TOR1AIP1: variants seen among roughly 807,000 people sequenced by gnomAD.
TOR1AIP1 encodes torsin 1A interacting protein 1, also known as torsin-1A-interacting protein 1.
In TOR1AIP1, 54 loss-of-function variants were observed where a neutral mutation model predicts 63.3. That is an observed-to-expected ratio of 0.85 (90% CI 0.69 to 1.07). The LOEUF is 1.07. Among genes scored for constraint, TOR1AIP1 ranks in the 50% least tolerant of loss-of-function variants. TOR1AIP1 has a pLI of 0.00. For synonymous variants in TOR1AIP1, 294 were observed against 273.5 expected (o/e 1.07, Z -0.74); for missense variants, 736 against 715.0 (o/e 1.03, Z -0.33).
chr1:179,916,700 CTTTTT>C (rs3029850), intron 9 of TOR1AIP1, among the ~76,000 whole-genome samples: 7 of 95,180 alleles, frequency 7.4e-5, no homozygotes, highest in Non-Finnish European at 1.2e-4. Flanking sequence ...GCATCCTTTT[CTTTTT>C]TTTTTTTTTT....
chr1:179,901,953 G>A (rs542138427), intron 5 of TOR1AIP1, among the ~76,000 whole-genome samples: 56 of 148,320 alleles, frequency 3.8e-4, no homozygotes, highest in Non-Finnish European at 7.0e-4. Flanking sequence ...TAAATAATGA[G>A]TAATTTTATA....
chr1:179,882,360 C>A lies in TOR1AIP1; in HGVS notation c.-143C>A. On this transcript the variant is annotated 5_prime_UTR_variant, in exon 1 of 10. Transcript: ENST00000606911. ...TGCTACACAGCAGCGACGACGCAGG[C>A]GGCGGCCCCAGCGACTCGCAACTGC... The A allele has an allele frequency of 1.3e-6, 1 of 785,430 alleles. No homozygotes were observed. Among genetic ancestry groups the A allele is most frequent in the East Asian group, 3.1e-5 (1 of 31,886 alleles). The allele number at this position is 785,430 out of a possible 1,614,324, so 48.7% of individuals were successfully genotyped here. A position where few individuals can be genotyped will look rare whatever the true frequency, so the allele number is the denominator to read the frequency against.
rs1427794853 is a variant in TOR1AIP1 at position 179,919,768 on chromosome 1, C to T, written c.*1529C>T. On this transcript the variant is annotated 3_prime_UTR_variant, in exon 10 of 10. Transcript: ENST00000606911. ...CACAAGTGGTAGTAGAGTGGTTTAA[C>T]GTCTTTCCTCTAGTACTACCAGTAT... The T allele has an allele frequency of 2.0e-5, 3 of 152,152 alleles. No homozygotes were observed. Among genetic ancestry groups the T allele is most frequent in the Non-Finnish European group, 2.9e-5 (2 of 68,028 alleles). 9.4% of individuals were successfully genotyped at this position (152,152 alleles called of 1,614,324 possible).
At chr1:179,908,766 G>A in intron 8 of TOR1AIP1, 93 bp downstream of exon 8, 2 of 1,102,262 alleles carry the variant, frequency 1.8e-6, no homozygotes, top group Non-Finnish European at 2.6e-6. Flanking sequence ...AAACATTTAG[G>A]TTGTTTGTGA....
chr1:179,891,653 C>T (rs1444559239), intron 3 of TOR1AIP1, among the ~76,000 whole-genome samples: 3 of 152,098 alleles, frequency 2.0e-5, no homozygotes, highest in Admixed American at 2.0e-4. Context: ...GCAACTTCTG[C>T]CTCCCTGGTT....
At chr1:179,883,603 T>G (rs565196257) in intron 1 of TOR1AIP1, 1 of 456,322 alleles carries the variant, frequency 2.2e-6, no homozygotes, top group African/African-American at 2.0e-5. Context: ...AGCTGATTGC[T>G]GTTTCTCCAG....
chr1:179,884,068 G>A (rs576467735), intron 1 of TOR1AIP1: 1 of 163,034 alleles, frequency 6.1e-6, no homozygotes, highest in South Asian at 1.5e-4. Flanking sequence ...GAAACTTTAT[G>A]TTAAAGTTAT....
chr1:179,895,162 TTTAA>T (rs1314255587), intron 3 of TOR1AIP1, among the ~76,000 whole-genome samples: 2 of 152,220 alleles, frequency 1.3e-5, no homozygotes, highest in East Asian at 3.8e-4. Flanking sequence ...AAACAGCATG[TTTAA>T]TTATTACCAT....
chr1:179,901,117 G>A (rs931153780), intron 4 of TOR1AIP1, among the ~76,000 whole-genome samples, 185 bp from the exon 5 acceptor site: 3 of 152,212 alleles, frequency 2.0e-5, no homozygotes, highest in Admixed American at 6.5e-5. Flanking sequence ...CACAAATTGA[G>A]ATAAATTTTA....
intron 3 of TOR1AIP1, among the ~76,000 whole-genome samples, chr1:179,892,737 C>CAA (rs71118413): frequency 2.7e-5 from 3 of 110,940 alleles, no homozygotes; most frequent in African/African-American, 6.6e-5. Flanking sequence ...GACTCCGTCT[C>CAA]AAAAAAAAAA....
At chr1:179,910,543 G>A (rs1334393874) in intron 8 of TOR1AIP1, among the ~76,000 whole-genome samples, 1 of 152,150 alleles carries the variant, frequency 6.6e-6, no homozygotes, top group Non-Finnish European at 1.5e-5. Flanking sequence ...TCTTATTGCT[G>A]TGATTATGTG....
At chr1:179,907,898 A>G in intron 7 of TOR1AIP1, 34 bp downstream of exon 7, 1 of 1,280,800 alleles carries the variant, frequency 7.8e-7, no homozygotes, top group South Asian at 1.4e-5. Flanking sequence ...TTTTTCAGCC[A>G]ATCAATTCTT....
At chr1:179,905,726 G>A (rs1350287223) in intron 6 of TOR1AIP1, among the ~76,000 whole-genome samples, 1 of 152,114 alleles carries the variant, frequency 6.6e-6, no homozygotes, top group East Asian at 1.9e-4. Flanking sequence ...GCCAAGGCAG[G>A]TGGATCACTT....
In TOR1AIP1 at chr1:179,886,293, C is replaced by T. The variant is rs576929093; in HGVS notation, c.553+1524C>T. 1.2e-4 allele frequency among the ~76,000 whole-genome samples: 19 copies of T among 152,172 alleles called. No homozygotes were observed. The South Asian group carries it at 2.1e-3, about 17-fold the overall frequency. Reference sequence around the variant, plus strand: ...ATGAAGACTACTGAGTGCTAGCCTCCGGACCATTATAAAACTATTAAGTAA... The same window carrying T: ...ATGAAGACTACTGAGTGCTAGCCTCTGGACCATTATAAAACTATTAAGTAA... On this transcript the variant is annotated intron_variant, in intron 2 of 9. Coordinates refer to ENST00000606911, the MANE Select transcript of TOR1AIP1 (RefSeq NM_015602.4).
At position 179,901,396 on chromosome 1, in the gene TOR1AIP1, T is replaced by G. The variant is rs1245115036; in HGVS notation, c.739+8T>G. 1 of 1,573,004 alleles carries G rather than the reference T, an allele frequency of 6.4e-7. No homozygotes were observed. Among genetic ancestry groups the G allele is most frequent in the East Asian group, 2.2e-5 (1 of 44,538 alleles). On this transcript the variant is annotated splice_region_variant and intron_variant, in intron 5 of 9. Transcript: ENST00000606911. Reference sequence around the variant, plus strand: ...ATTCTGATGAATCTGGAGGTAATATTGCTTTATATACATATGACTCTTCTC... The same window carrying G: ...ATTCTGATGAATCTGGAGGTAATATGGCTTTATATACATATGACTCTTCTC...
intron 3 of TOR1AIP1, among the ~76,000 whole-genome samples, chr1:179,892,117 CATT>C (rs1185667874): frequency 6.6e-6 from 1 of 152,118 alleles, no homozygotes; most frequent in Non-Finnish European, 1.5e-5. Context: ...CTTTATAAAT[CATT>C]GTACCTTCCT....
chr1:179,912,993 A>G (rs548274534), intron 8 of TOR1AIP1, among the ~76,000 whole-genome samples: 1 of 152,312 alleles, frequency 6.6e-6, no homozygotes, highest in Admixed American at 6.5e-5. Context: ...TACAAATGAG[A>G]TAACTCAGCC....
In TOR1AIP1 at chr1:179,917,456, G is replaced by C; in HGVS notation, c.969G>C (p.Val323=). 1 of 1,610,706 alleles carries C rather than the reference G, an allele frequency of 6.2e-7. No individual in the cohort carries two copies. The highest frequency in any genetic ancestry group is 8.5e-7 in the Non-Finnish European group (1 of 1,179,224). ...ATTTCTTTTTTGTCTGAGTAGAAGTGACTGGACAACCCCAAAATGCATCTT... is the reference window on the plus strand; with the variant it reads ...ATTTCTTTTTTGTCTGAGTAGAAGTCACTGGACAACCCCAAAATGCATCTT... ...NQSPSTSSRQ[V]TGQPQNASFV... Residue 323 remains valine (V), a synonymous_variant, in exon 10 of 10, where the codon GTG becomes GTC. Transcript: ENST00000606911.
At chr1:179,898,512 G>A (rs559349210) in intron 3 of TOR1AIP1, among the ~76,000 whole-genome samples, 163 of 152,238 alleles carry the variant, frequency 1.1e-3, no homozygotes, top group Non-Finnish European at 9.7e-4. Flanking sequence ...TATGCACTTA[G>A]ATAATAAAAC....
Sources: allele counts gnomAD v4.1 joint callset (sites outside exome capture counted in the v4.1 genomes callset), GRCh38; gene constraint gnomAD v4.1.1; transcripts MANE v1.5; gene names NCBI Gene and HGNC (gene_info 2026-07-23, HGNC 2026-07-21).